The following HS6ST3 variants were observed in gnomAD, a reference collection of about 807,000 sequenced individuals.
HS6ST3 encodes heparan sulfate 6-O-sulfotransferase 3, also known as heparan-sulfate 6-O-sulfotransferase 3.
In HS6ST3, 12 loss-of-function variants were observed where a neutral mutation model predicts 36.7. That is an observed-to-expected ratio of 0.33 (90% CI 0.21 to 0.53). The LOEUF (loss-of-function observed/expected upper bound fraction) is 0.53, where lower values mean the gene tolerates loss of function less well. HS6ST3 is among the 20% of genes least tolerant of loss of function. The pLI is 0.95. For missense variants in HS6ST3, 584 were observed against 640.9 expected (o/e 0.91, Z 0.96); for synonymous variants, 240 against 257.5 (o/e 0.93, Z 0.65).
intron 1 of HS6ST3, among the ~76,000 whole-genome samples, chr13:96,213,580 G>T (rs888194546): frequency 5.9e-5 from 9 of 151,326 alleles, no homozygotes; most frequent in Non-Finnish European, 1.0e-4. Flanking sequence ...AGGCTGGAGT[G>T]CAGTGGCACG....
At chr13:96,162,347 A>C (rs2054139599) in intron 1 of HS6ST3, among the ~76,000 whole-genome samples, 1 of 152,246 alleles carries the variant, frequency 6.6e-6, no homozygotes, top group South Asian at 2.1e-4. Flanking sequence ...AAATATCTAG[A>C]TATCAAGTGT....
Position 96,391,681 on chromosome 13 carries a change from C to T in HS6ST3, c.707+300112C>T, listed in dbSNP as rs370864424. ...AGCAAGTCACGTATTACATGGATGG[C>T]GGCAGGCAAAGAGAGGAGCACTTGT... On this transcript the variant is annotated intron_variant, in intron 1 of 1. Coordinates refer to ENST00000376705, the MANE Select transcript of HS6ST3 (RefSeq NM_153456.4). Among the ~76,000 whole-genome samples, 181 of 152,154 alleles carry T rather than the reference C, an allele frequency of 1.2e-3. 1 individual carries two copies. Among genetic ancestry groups the T allele is most frequent in the African/African-American group, 4.0e-3 (168 of 41,524 alleles).
At chr13:96,404,909 C>A (rs1239434102) in intron 1 of HS6ST3, among the ~76,000 whole-genome samples, 1 of 152,202 alleles carries the variant, frequency 6.6e-6, no homozygotes, top group African/African-American at 2.4e-5. Context: ...GGGGGCGGAT[C>A]TTTCCTGCGT....
intron 1 of HS6ST3, among the ~76,000 whole-genome samples, chr13:96,481,288 G>T (rs2055888957): frequency 1.3e-5 from 2 of 152,162 alleles, no homozygotes; most frequent in Admixed American, 1.3e-4. Flanking sequence ...TTTTAAAAAT[G>T]TGCTTGTTAA....
intron 1 of HS6ST3, among the ~76,000 whole-genome samples, chr13:96,512,981 G>A (rs955536898): frequency 2.6e-5 from 4 of 151,910 alleles, no homozygotes; most frequent in Admixed American, 6.6e-5. Flanking sequence ...CATAGATGTT[G>A]TCATCCCTTG....
chr13:96,142,607 A>G (rs771928472), intron 1 of HS6ST3, among the ~76,000 whole-genome samples: 2 of 152,160 alleles, frequency 1.3e-5, no homozygotes, highest in Non-Finnish European at 2.9e-5. Flanking sequence ...ATTGTACTCT[A>G]ATTTTCCTGT....
chr13:96,670,076 A>T (rs2056677984), intron 1 of HS6ST3, among the ~76,000 whole-genome samples: 1 of 152,206 alleles, frequency 6.6e-6, no homozygotes, highest in African/African-American at 2.4e-5. Flanking sequence ...GGGCACTTTG[A>T]CATTTAGAAG....
intron 1 of HS6ST3, among the ~76,000 whole-genome samples, chr13:96,439,769 G>T (rs527482639): frequency 2.0e-5 from 3 of 152,320 alleles, no homozygotes; most frequent in Non-Finnish European, 2.9e-5. Context: ...GGCTAGGGTT[G>T]TGTGGTTAAC....
chr13:96,661,227 TGGC>T (rs2056645282), intron 1 of HS6ST3, among the ~76,000 whole-genome samples: 1 of 152,172 alleles, frequency 6.6e-6, no homozygotes, highest in African/African-American at 2.4e-5. Context: ...CTAATACTGT[TGGC>T]GGTGTGTTGA....
At chr13:96,482,473 G>A (rs576612588) in intron 1 of HS6ST3, among the ~76,000 whole-genome samples, 228 of 137,742 alleles carry the variant, frequency 1.7e-3, no homozygotes, top group African/African-American at 5.7e-3. Context: ...TTTTTTTTCC[G>A]TAAAGCCTAG....
At chr13:96,693,319 T>C (rs1875025406) in intron 1 of HS6ST3, among the ~76,000 whole-genome samples, 1 of 152,132 alleles carries the variant, frequency 6.6e-6, no homozygotes, top group African/African-American at 2.4e-5. Flanking sequence ...TTATTATTAT[T>C]TTGAGATGGC....
intron 1 of HS6ST3, among the ~76,000 whole-genome samples, chr13:96,306,752 A>G (rs571195922): frequency 1.3e-5 from 2 of 152,242 alleles, no homozygotes; most frequent in African/African-American, 4.8e-5. Context: ...GTGTTCCATG[A>G]TTGCTGTCAT....
intron 1 of HS6ST3, among the ~76,000 whole-genome samples, chr13:96,142,781 CCTT>C (rs1353857942): frequency 2.6e-5 from 4 of 152,096 alleles, no homozygotes; most frequent in Non-Finnish European, 4.4e-5. Flanking sequence ...AATATTTTAT[CCTT>C]CTCGTGTGCT....
At position 96,248,633 on chromosome 13, in the gene HS6ST3, T is replaced by C. The variant is rs573071520; in HGVS notation, c.707+157064T>C. Among the ~76,000 whole-genome samples, 3 of 152,308 alleles carry C rather than the reference T, an allele frequency of 2.0e-5. No homozygotes were observed. The South Asian group carries it at 6.2e-4, about 32-fold the overall frequency. ...CTTAATTTATATAAATCAGAAATCC[T>C]TGCTGGATTTGGATGGCTATGCAGG... On this transcript the variant is annotated intron_variant, in intron 1 of 1. Transcript: ENST00000376705.
At chr13:96,793,496 G>A (rs1406501781) in intron 1 of HS6ST3, among the ~76,000 whole-genome samples, 1 of 152,102 alleles carries the variant, frequency 6.6e-6, no homozygotes, top group South Asian at 2.1e-4. Flanking sequence ...TAGGTGGGAG[G>A]CAGAGAATAA....
intron 1 of HS6ST3, among the ~76,000 whole-genome samples, chr13:96,684,753 A>C (rs1041966226): frequency 6.6e-6 from 1 of 152,060 alleles, no homozygotes; most frequent in African/African-American, 2.4e-5. Context: ...GCTCCATGAC[A>C]TAAAATATAC....
intron 1 of HS6ST3, among the ~76,000 whole-genome samples, chr13:96,420,746 G>A (rs1377271469): frequency 2.0e-5 from 3 of 152,058 alleles, no homozygotes; most frequent in South Asian, 2.1e-4. Context: ...TATTTGGTGC[G>A]TTTTACTTAT....
At chr13:96,599,624 A>G (rs1320015211) in intron 1 of HS6ST3, among the ~76,000 whole-genome samples, 1 of 149,234 alleles carries the variant, frequency 6.7e-6, no homozygotes, top group East Asian at 2.0e-4. Context: ...TTTTTGTTTC[A>G]ATTTTGTTTA....
At chr13:96,540,418 T>C (rs1325642080) in intron 1 of HS6ST3, among the ~76,000 whole-genome samples, 2 of 152,160 alleles carry the variant, frequency 1.3e-5, no homozygotes, top group African/African-American at 4.8e-5. Flanking sequence ...GTCTTTTGCT[T>C]GCTTAACTTG....
Sources: allele counts gnomAD v4.1 joint callset (sites outside exome capture counted in the v4.1 genomes callset), GRCh38; gene constraint gnomAD v4.1.1; transcripts MANE v1.5; gene names NCBI Gene and HGNC (gene_info 2026-07-23, HGNC 2026-07-21).